Variants in ATRNL1 observed in about 807,000 individuals in gnomAD.
ATRNL1 encodes attractin-like protein 1.
In ATRNL1, 95 loss-of-function variants were observed where a neutral mutation model predicts 182.7. The ratio of observed to expected loss-of-function variants is 0.52; its 90% CI spans 0.44 to 0.62. The LOEUF is 0.62. Among genes scored for constraint, ATRNL1 ranks in the 20% least tolerant of loss-of-function variants. ATRNL1 has a pLI of 0.00. For synonymous variants in ATRNL1, 576 were observed against 568.3 expected (o/e 1.01, Z -0.19); for missense variants, 1,471 against 1,679.5 (o/e 0.88, Z 2.17).
At chr10:115,337,097 G>T (rs183890019) in intron 19 of ATRNL1, among the ~76,000 whole-genome samples, 1 of 151,020 alleles carries the variant, frequency 6.6e-6, no homozygotes, top group Non-Finnish European at 1.5e-5. Context: ...TCCTGACCTC[G>T]TGATCTGTCT....
intron 26 of ATRNL1, among the ~76,000 whole-genome samples, chr10:115,593,802 G>A (rs1555013063): frequency 2.0e-5 from 3 of 152,052 alleles, no homozygotes; most frequent in African/African-American, 7.2e-5. Flanking sequence ...TGTCAAATGG[G>A]TAGTTTTGTT....
intron 27 of ATRNL1, among the ~76,000 whole-genome samples, chr10:115,827,448 C>T (rs953186248): frequency 1.1e-4 from 16 of 152,140 alleles, no homozygotes; most frequent in South Asian, 2.1e-4. Context: ...GCTGGCAGGA[C>T]GTAAGGTGTC....
intron 24 of ATRNL1, among the ~76,000 whole-genome samples, chr10:115,469,949 C>T (rs1346826691): frequency 6.6e-6 from 1 of 150,504 alleles, no homozygotes; most frequent in Non-Finnish European, 1.5e-5. Flanking sequence ...AAAGAAAAGC[C>T]TATCTATTGG....
intron 19 of ATRNL1, among the ~76,000 whole-genome samples, chr10:115,361,774 C>T (rs1473310006): frequency 6.6e-6 from 1 of 151,878 alleles, no homozygotes; most frequent in East Asian, 1.9e-4. Context: ...AATTTTATAG[C>T]ACTCTTGGCC....
At chr10:115,775,825 G>A (rs1029450466) in intron 27 of ATRNL1, among the ~76,000 whole-genome samples, 1 of 151,964 alleles carries the variant, frequency 6.6e-6, no homozygotes, top group Non-Finnish European at 1.5e-5. Flanking sequence ...GGGCATGGTG[G>A]CATGCACCTG....
At chr10:115,460,837 A>AT (rs1554969570) in intron 21 of ATRNL1, among the ~76,000 whole-genome samples, 3 of 152,080 alleles carry the variant, frequency 2.0e-5, no homozygotes, top group South Asian at 2.1e-4. Flanking sequence ...AGAAATTTTT[A>AT]TTTTTTTATT....
At chr10:115,851,132 A>G (rs202111227) in intron 28 of ATRNL1, among the ~76,000 whole-genome samples, 2 of 130,860 alleles carry the variant, frequency 1.5e-5, no homozygotes, top group East Asian at 2.3e-4. Context: ...TTTTTTTTTT[A>G]TCAGGCTCCT....
At chr10:115,852,918 T>C (rs903176700) in intron 28 of ATRNL1, among the ~76,000 whole-genome samples, 2 of 152,134 alleles carry the variant, frequency 1.3e-5, no homozygotes, top group Admixed American at 1.3e-4. Context: ...CGTGAACTCA[T>C]AGGAAAAGAA....
chr10:115,818,539 ACT>A (rs1950220715), intron 27 of ATRNL1, among the ~76,000 whole-genome samples: 1 of 151,840 alleles, frequency 6.6e-6, no homozygotes, highest in South Asian at 2.1e-4. Flanking sequence ...ATATGATGCG[ACT>A]CTATTGTAGT....
chr10:115,236,712 G>T (rs1554901508), intron 9 of ATRNL1, among the ~76,000 whole-genome samples: 1 of 151,906 alleles, frequency 6.6e-6, no homozygotes, highest in Non-Finnish European at 1.5e-5. Flanking sequence ...CGTGAATATG[G>T]TACATTTGTT....
chr10:115,184,833 A>G (rs1564804675), intron 8 of ATRNL1, among the ~76,000 whole-genome samples: 1 of 151,944 alleles, frequency 6.6e-6, no homozygotes, highest in Non-Finnish European at 1.5e-5. Flanking sequence ...GATGAAAAGA[A>G]CTAATGCAAG....
At position 115,120,183 on chromosome 10, in the gene ATRNL1, A is replaced by G; in HGVS notation, c.294-2A>G. On this transcript the variant is annotated splice_acceptor_variant, in intron 1 of 28. Coordinates refer to ENST00000355044, the MANE Select transcript of ATRNL1 (RefSeq NM_207303.4). LOFTEE classifies it high-confidence loss of function. Reference sequence around the variant, plus strand: ...TTTTCATTATTTTATTTTCTCTTCCAGGTTAACAGAACCTTCTGGATATTT... The same window carrying G: ...TTTTCATTATTTTATTTTCTCTTCCGGGTTAACAGAACCTTCTGGATATTT... 2 of 1,476,208 alleles carry G rather than the reference A, an allele frequency of 1.4e-6. No homozygotes were observed. The highest frequency in any genetic ancestry group is 1.9e-6 in the Non-Finnish European group (2 of 1,061,954). 91.4% of individuals were successfully genotyped at this position (1,476,208 alleles called of 1,614,324 possible). A position where few individuals can be genotyped will look rare whatever the true frequency, so the allele number is the denominator to read the frequency against.
intron 19 of ATRNL1, among the ~76,000 whole-genome samples, chr10:115,393,396 T>C (rs1269180921): frequency 6.6e-6 from 1 of 152,198 alleles, no homozygotes; most frequent in Non-Finnish European, 1.5e-5. Flanking sequence ...TTAGAGTTAC[T>C]ATTGATACTG....
chr10:115,271,852 C>G (rs1269734906), intron 13 of ATRNL1, among the ~76,000 whole-genome samples: 3 of 152,098 alleles, frequency 2.0e-5, no homozygotes, highest in African/African-American at 7.2e-5. Context: ...TGTCCCTGCC[C>G]AAATTTCTGT....
chr10:115,433,397 T>C lies in ATRNL1; in HGVS notation c.3322+7095T>C, dbSNP rs148946988. On this transcript the variant is annotated intron_variant, in intron 21 of 28. Transcript: ENST00000355044. ...ACATTTTGTTAGTGAATGTTTTATA[T>C]GACTTTTTAACTATTGGCTATAAAT... 9.0e-3 allele frequency among the ~76,000 whole-genome samples: 1,366 copies of C among 152,322 alleles called. 8 individuals are homozygous for C. Among genetic ancestry groups the C allele is most frequent in the Middle Eastern group, 0.017 (5 of 294 alleles).
intron 24 of ATRNL1, among the ~76,000 whole-genome samples, chr10:115,481,006 T>A (rs1175624799): frequency 3.3e-5 from 5 of 150,838 alleles, no homozygotes; most frequent in African/African-American, 1.2e-4. Flanking sequence ...TTTTCATTTC[T>A]TTATATTATA....
intron 19 of ATRNL1, among the ~76,000 whole-genome samples, chr10:115,388,750 C>T (rs611389): frequency 0.38 from 57,874 of 151,616 alleles, 12,222 homozygotes; most frequent in African/African-American, 0.57. Context: ...TATTTACATT[C>T]ATGGAGATTT....
intron 8 of ATRNL1, among the ~76,000 whole-genome samples, chr10:115,185,037 A>G (rs1554888531): frequency 6.6e-6 from 1 of 152,004 alleles, no homozygotes; most frequent in East Asian, 1.9e-4. Flanking sequence ...CATGTGGAAG[A>G]CGAGAACTGC....
intron 21 of ATRNL1, among the ~76,000 whole-genome samples, chr10:115,436,184 T>C (rs1846397645): frequency 1.3e-5 from 2 of 152,134 alleles, no homozygotes; most frequent in Non-Finnish European, 2.9e-5. Flanking sequence ...GTTTTCTTCA[T>C]TGAACATTTC....
Sources: allele counts gnomAD v4.1 joint callset (sites outside exome capture counted in the v4.1 genomes callset), GRCh38; gene constraint gnomAD v4.1.1; transcripts MANE v1.5; gene names NCBI Gene and HGNC (gene_info 2026-07-23, HGNC 2026-07-21).